SNED1: variants seen among roughly 807,000 people sequenced by gnomAD.
SNED1 encodes sushi, nidogen and EGF like domains 1.
In SNED1, 81 loss-of-function variants were observed where a neutral mutation model predicts 166.7. The ratio of observed to expected loss-of-function variants is 0.49; its 90% confidence interval spans 0.41 to 0.58. The LOEUF is 0.58. SNED1 is among the 20% of genes least tolerant of loss of function. SNED1 has a pLI of 0.00. For missense variants in SNED1, 1,604 were observed against 2,000.2 expected, an observed-to-expected ratio of 0.80 and a Z score of 3.78; for synonymous variants, 762 against 822.0, an observed-to-expected ratio of 0.93 and a Z score of 1.25.
chr2:241,031,043 A>T (rs1233871309), intron 2 of SNED1, among the ~76,000 whole-genome samples: 1 of 152,196 alleles, frequency 6.6e-6, no homozygotes, highest in Non-Finnish European at 1.5e-5. Context: ...CTCAGCACCT[A>T]CTGTGGCCAG....
At chr2:241,058,857 G>A (rs2062146180) in intron 16 of SNED1, among the ~76,000 whole-genome samples, 1 of 152,098 alleles carries the variant, frequency 6.6e-6, no homozygotes, top group Non-Finnish European at 1.5e-5. Context: ...GGCTGAGGCA[G>A]GAGAATGGTG....
rs376374842 is a variant in SNED1, at chr2:241,009,294, G to T, written c.213+10244G>T. 5.5e-4 allele frequency among the ~76,000 whole-genome samples: 84 copies of T among 152,284 alleles called. 3 individuals are homozygous for T. In the South Asian group the frequency reaches 0.016, roughly 29 times the overall value. ...GCCCAGGAGGCAGCAGCCCAGGCTGGAGATGGATGGAAAGGGCAGGTGTGG... is the reference window on the plus strand; with the variant it reads ...GCCCAGGAGGCAGCAGCCCAGGCTGTAGATGGATGGAAAGGGCAGGTGTGG... On this transcript the variant is annotated intron_variant, in intron 1 of 31. Transcript: ENST00000310397.
intron 1 of SNED1, among the ~76,000 whole-genome samples, chr2:241,017,051 A>G (rs1031250393): frequency 1.3e-5 from 2 of 151,832 alleles, no homozygotes; most frequent in Non-Finnish European, 2.9e-5. Context: ...GGGTTTCTCC[A>G]TGTTGGTCAG....
intron 31 of SNED1, chr2:241,090,220 T>C (rs1485885240): frequency 2.7e-6 from 4 of 1,484,474 alleles, no homozygotes; most frequent in Non-Finnish European, 2.7e-6. Flanking sequence ...AATTGTTTTT[T>C]ACTATTTAAC....
chr2:241,044,653 C>T (rs1382546099), intron 8 of SNED1, among the ~76,000 whole-genome samples: 1 of 152,178 alleles, frequency 6.6e-6, no homozygotes, highest in Non-Finnish European at 1.5e-5. Context: ...GCCCTCTAGT[C>T]CAGCTTAAGA....
Position 241,071,592 on chromosome 2 carries a change from T to C in SNED1, c.3606T>C (p.Ala1202=), listed in dbSNP as rs2125241936. The C allele has an allele frequency of 1.3e-6, 2 of 1,587,710 alleles. No individual in the cohort carries two copies. Among genetic ancestry groups the C allele is most frequent in the Non-Finnish European group, 1.7e-6 (2 of 1,174,340 alleles). Residue 1202 remains alanine (A), a synonymous_variant, in exon 25 of 32, where the codon GCT becomes GCC. Transcript: ENST00000310397. ...GCTCTGCAGCCCCCAGGGATGGCGC[T>C]GACAGACGCTGGCACCAGGGAGGAC... ...LYIITSPRDG[A]DRRWHQGGHH... is the part of the protein sequence containing the mutation.
chr2:241,070,117 C>G lies in SNED1; in HGVS notation c.3505C>G (p.Arg1169Gly), dbSNP rs570273441. The change falls in exon 24 of 32, where the codon CGG (arginine) becomes GGG (glycine). Residue 1169 changes from arginine (R) to glycine (G), a missense_variant. Arg to Gly is a moderately radical substitution (Grantham distance 125). Around this residue, in one of 2 missense-constraint regions of SNED1, gnomAD observed 367 missense variants for 379.4 expected, o/e 0.97. Transcript: ENST00000310397. ...YTVRDLLPGRRYQLSVIAVQS... is the reference protein window; with the variant it reads ...YTVRDLLPGRGYQLSVIAVQS... ...GGTGCGCGACCTGCTGCCGGGACGG[C>G]GGTACCAGCTCTCTGTGATAGCAGT... The G allele has an allele frequency of 1.9e-5, 31 of 1,612,564 alleles. No individual in the cohort carries two copies. The highest frequency in any genetic ancestry group is 2.5e-5 in the Non-Finnish European group (30 of 1,179,816).
At chr2:241,033,526 C>T (rs935660729) in intron 2 of SNED1, 7 of 554,242 alleles carry the variant, frequency 1.3e-5, no homozygotes, top group Admixed American at 6.9e-5. Context: ...GGGTTGCAGA[C>T]GGCCTCTGCT....
At chr2:241,044,647 T>A (rs1320106585) in intron 8 of SNED1, among the ~76,000 whole-genome samples, 1 of 152,134 alleles carries the variant, frequency 6.6e-6, no homozygotes, top group African/African-American at 2.4e-5. Flanking sequence ...GGAGAAGCCC[T>A]CTAGTCCAGC....
chr2:241,090,138 A>G (rs552590950), intron 31 of SNED1: 528 of 1,479,558 alleles, frequency 3.6e-4, no homozygotes, highest in Non-Finnish European at 4.5e-4. Context: ...ACAGCTTAAA[A>G]TACAAACACA....
chr2:241,078,167 C>A (rs372406780), intron 27 of SNED1, among the ~76,000 whole-genome samples: 27 of 150,684 alleles, frequency 1.8e-4, no homozygotes, highest in Non-Finnish European at 3.2e-4. Flanking sequence ...GGCAGATCAC[C>A]AGGTCAGGCG....
intron 1 of SNED1, among the ~76,000 whole-genome samples, chr2:241,017,799 G>T (rs2060642247): frequency 6.6e-6 from 1 of 152,214 alleles, no homozygotes; most frequent in Non-Finnish European, 1.5e-5. Context: ...GAAGAATCCT[G>T]CAGAGCCCCG....
At chr2:241,079,645 T>G (rs1298540043) in intron 27 of SNED1, among the ~76,000 whole-genome samples, 1 of 151,934 alleles carries the variant, frequency 6.6e-6, no homozygotes, top group Non-Finnish European at 1.5e-5. Flanking sequence ...AAAAAAAAGG[T>G]TTTAAAAACA....
At position 241,064,251 on chromosome 2, in the gene SNED1, C is replaced by T. The variant is rs1287783960; in HGVS notation, c.2599+126C>T. On this transcript the variant is annotated intron_variant, in intron 19 of 31. Transcript: ENST00000310397. This position sits in a 1 kb window ranked among gnomAD's most constrained non-coding sequence, Gnocchi z 7.0. ...GCCCGCCTGCTCCCCGCCCTCTGCC[C>T]GCCGCCTTGGAAGTCCCCTTCTCAG... The T allele has an allele frequency of 2.4e-5, 16 of 659,188 alleles. No homozygotes were observed. Among genetic ancestry groups the T allele is most frequent in the South Asian group, 1.9e-4 (10 of 51,346 alleles). 40.8% of individuals were successfully genotyped at this position (659,188 alleles called of 1,614,324 possible).
chr2:241,068,664 C>T lies in SNED1; in HGVS notation c.3195-247C>T, dbSNP rs1183206754. On this transcript the variant is annotated intron_variant, in intron 22 of 31. Coordinates refer to ENST00000310397, the MANE Select transcript of SNED1 (RefSeq NM_001080437.3). The surrounding 1 kb of genome is among the most constrained non-coding windows in gnomAD (Gnocchi z 5.3). ...TCCCAGCTGAACACCGGCCCTCTGA[C>T]CATACTGTAGCAGCCCCAAGCGCAC... Among the ~76,000 whole-genome samples, 1 of 152,020 alleles carries T rather than the reference C, an allele frequency of 6.6e-6. No individual in the cohort carries two copies. The highest frequency in any genetic ancestry group is 1.5e-5 in the Non-Finnish European group (1 of 67,978).
At chr2:241,039,987 G>A in intron 6 of SNED1, 88 bp from the exon 7 acceptor site, 1 of 1,049,266 alleles carries the variant, frequency 9.5e-7, no homozygotes, top group Non-Finnish European at 1.4e-6. Context: ...AGTTGGGGGT[G>A]GGGCTCAGTG....
At chr2:241,052,734 A>T (rs1200762519) in intron 15 of SNED1, among the ~76,000 whole-genome samples, 2 of 62,484 alleles carry the variant, frequency 3.2e-5, no homozygotes, top group African/African-American at 6.7e-5. Context: ...TACCAGTGCC[A>T]GGCAGGTGAG....
chr2:241,023,476 A>G (rs1369171268), intron 1 of SNED1, among the ~76,000 whole-genome samples: 1 of 129,514 alleles, frequency 7.7e-6, no homozygotes, highest in Non-Finnish European at 1.7e-5. Context: ...TTATGGCCCA[A>G]TATGTGGTAA....
At chr2:241,042,035 G>A (rs961009003) in intron 8 of SNED1, among the ~76,000 whole-genome samples, 5 of 152,154 alleles carry the variant, frequency 3.3e-5, no homozygotes, top group Non-Finnish European at 7.4e-5. Context: ...TCTGCCTGGG[G>A]CAGTTTCCAC....
Sources: allele counts gnomAD v4.1 joint callset (sites outside exome capture counted in the v4.1 genomes callset), GRCh38; gene constraint gnomAD v4.1.1; regional missense constraint gnomAD v4.1.1; non-coding constraint Gnocchi (gnomAD v3.1); transcripts MANE v1.5; gene names NCBI Gene and HGNC (gene_info 2026-07-23, HGNC 2026-07-21).